Variants in PDE4D observed in about 807,000 individuals in gnomAD.
PDE4D encodes phosphodiesterase 4D.
PDE4D carries 24 observed loss-of-function variants against 87.4 expected under a neutral mutation model. The ratio of observed to expected loss-of-function variants is 0.27; its 90% confidence interval spans 0.20 to 0.39. The LOEUF (loss-of-function observed/expected upper bound fraction) is 0.39, where lower values mean the gene tolerates loss of function less well. Among genes scored for constraint, PDE4D ranks in the 10% least tolerant of loss-of-function variants. The pLI is 1.00. For missense variants in PDE4D, 714 were observed against 1,041.0 expected (o/e 0.69, Z 4.32); for synonymous variants, 384 against 383.2 (o/e 1.00, Z -0.02).
Position 58,974,923 on chromosome 5 carries a change from T to G in PDE4D, c.2171A>C (p.Glu724Ala). 1 of 1,613,268 alleles carries G rather than the reference T, an allele frequency of 6.2e-7. No individual in the cohort carries two copies. Among genetic ancestry groups the G allele is most frequent in the Non-Finnish European group, 8.5e-7 (1 of 1,179,408 alleles). ...QSPSPAPDDP[E>A]EGRQGQTEKF... is the part of the protein sequence containing the mutation. Reference sequence around the variant, plus strand: ...CTCAGTTTGACCCTGCCGGCCCTCCTCTGGGTCATCAGGTGCAGGAGAGGG... The same window carrying G: ...CTCAGTTTGACCCTGCCGGCCCTCCGCTGGGTCATCAGGTGCAGGAGAGGG... Residue 724 changes from glutamate to alanine, a missense_variant, in exon 15 of 15, where the codon GAG becomes GCG. By Grantham distance (107) the Glu-to-Ala change is moderately radical (BLOSUM62 -1). This residue lies in a region of PDE4D where 97 missense variants were observed against 176.9 expected (regional missense o/e 0.55). Coordinates refer to ENST00000340635, the MANE Select transcript of PDE4D (RefSeq NM_001104631.2).
At chr5:60,097,954 T>A (rs2149324890) in intron 2 of PDE4D, among the ~76,000 whole-genome samples, 1 of 152,102 alleles carries the variant, frequency 6.6e-6, no homozygotes, top group South Asian at 2.1e-4. Context: ...GGGTGTGAAG[T>A]GAGATTACTT....
At chr5:60,464,013 C>A (rs1450466736) in intron 1 of PDE4D, among the ~76,000 whole-genome samples, 2 of 152,140 alleles carry the variant, frequency 1.3e-5, no homozygotes, top group Non-Finnish European at 2.9e-5. Flanking sequence ...TAACCCATTT[C>A]TTTCCTTCTT....
At chr5:59,546,094 T>A (rs1817219902) in intron 1 of PDE4D, among the ~76,000 whole-genome samples, 1 of 152,156 alleles carries the variant, frequency 6.6e-6, no homozygotes, top group Non-Finnish European at 1.5e-5. Flanking sequence ...CAGCTTAAAA[T>A]GTAACCAATT....
At chr5:60,054,816 A>G (rs962695438) in intron 2 of PDE4D, among the ~76,000 whole-genome samples, 2 of 152,158 alleles carry the variant, frequency 1.3e-5, no homozygotes, top group Non-Finnish European at 2.9e-5. Flanking sequence ...CTACCTGCAG[A>G]AAACAAACTA....
chr5:60,087,886 C>T (rs891451530), intron 2 of PDE4D, among the ~76,000 whole-genome samples: 6 of 151,914 alleles, frequency 3.9e-5, no homozygotes, highest in Admixed American at 3.3e-4. Context: ...CAACACTATC[C>T]AAGTGCAGGA....
intron 1 of PDE4D, among the ~76,000 whole-genome samples, chr5:60,479,378 C>G (rs1157198966): frequency 6.6e-6 from 1 of 152,144 alleles, no homozygotes; most frequent in African/African-American, 2.4e-5. Context: ...ACAATCACAG[C>G]TTCACCACCT....
chr5:59,096,573 T>C (rs910738982), intron 5 of PDE4D, among the ~76,000 whole-genome samples: 1 of 152,202 alleles, frequency 6.6e-6, no homozygotes, highest in African/African-American at 2.4e-5. Context: ...AGAGATGCTC[T>C]CTTTTTTTGT....
chr5:59,360,306 T>C (rs1582152506), intron 1 of PDE4D, among the ~76,000 whole-genome samples: 1 of 151,956 alleles, frequency 6.6e-6, no homozygotes, highest in Non-Finnish European at 1.5e-5. Context: ...ATCAGTGGGG[T>C]TGCGTTAGGT....
At chr5:59,815,481 G>A (rs530096326) in intron 1 of PDE4D, among the ~76,000 whole-genome samples, 2 of 152,092 alleles carry the variant, frequency 1.3e-5, no homozygotes, top group African/African-American at 2.4e-5. Flanking sequence ...CTAGCTCTGA[G>A]ACCTCTGCAA....
chr5:59,105,352 T>C (rs1232908667), intron 5 of PDE4D, among the ~76,000 whole-genome samples: 1 of 152,196 alleles, frequency 6.6e-6, no homozygotes, highest in Non-Finnish European at 1.5e-5. Context: ...CATCTTAAAA[T>C]AATTTTCCAG....
Position 59,505,620 on chromosome 5 carries a change from A to G in PDE4D, c.456-289652T>C, listed in dbSNP as rs541386881. On this transcript the variant is annotated intron_variant, in intron 1 of 14. Coordinates refer to ENST00000340635, the MANE Select transcript of PDE4D (RefSeq NM_001104631.2). ...GTGCTAAGCATTTTACATTTTGCAT[A>G]TATCATTATTAGTGCCATTTTACTA... is the stretch of plus-strand genomic sequence containing the variant. Among the ~76,000 whole-genome samples the G allele has an allele frequency of 3.3e-5, 5 of 152,342 alleles. No homozygotes were observed. The South Asian group carries it at 8.3e-4, about 25-fold the overall frequency.
At chr5:59,365,147 A>G (rs908771417) in intron 1 of PDE4D, among the ~76,000 whole-genome samples, 9 of 152,200 alleles carry the variant, frequency 5.9e-5, no homozygotes, top group African/African-American at 2.2e-4. Flanking sequence ...GCTCTTATTT[A>G]AGAAAAAATG....
intron 1 of PDE4D, among the ~76,000 whole-genome samples, chr5:59,577,901 G>T (rs1823439285): frequency 1.3e-5 from 2 of 152,066 alleles, no homozygotes; most frequent in South Asian, 2.1e-4. Flanking sequence ...ACATAAAAGA[G>T]AATTTAAATG....
At chr5:60,403,659 G>C (rs1307616953) in intron 1 of PDE4D, among the ~76,000 whole-genome samples, 1 of 152,194 alleles carries the variant, frequency 6.6e-6, no homozygotes, top group Non-Finnish European at 1.5e-5. Flanking sequence ...AGAGCTAATA[G>C]AAGTTAAGTA....
intron 1 of PDE4D, among the ~76,000 whole-genome samples, chr5:60,245,600 A>G (rs1221485044): frequency 1.3e-5 from 2 of 152,012 alleles, no homozygotes; most frequent in Admixed American, 1.3e-4. Flanking sequence ...AACCATTAAA[A>G]AGAATGAGAT....
intron 1 of PDE4D, among the ~76,000 whole-genome samples, chr5:59,431,334 C>A (rs2153631846): frequency 6.6e-6 from 1 of 152,218 alleles, no homozygotes; most frequent in Non-Finnish European, 1.5e-5. Flanking sequence ...AGCCTTTATG[C>A]CATTTGCTAG....
chr5:59,215,762 T>G lies in PDE4D; in HGVS notation c.647+15A>C, dbSNP rs1374464469. Reference sequence around the variant, plus strand: ...TTACTCGGTTTTCTCTCTCTTTGCCTGCCCTTGTACTTACATATCACTGGC... The same window carrying G: ...TTACTCGGTTTTCTCTCTCTTTGCCGGCCCTTGTACTTACATATCACTGGC... On this transcript the variant is annotated intron_variant, in intron 2 of 14. Coordinates refer to ENST00000340635, the MANE Select transcript of PDE4D (RefSeq NM_001104631.2). 39 of 1,610,440 alleles carry G rather than the reference T, an allele frequency of 2.4e-5. No homozygotes were observed. Among genetic ancestry groups the G allele is most frequent in the Non-Finnish European group, 3.3e-5 (39 of 1,176,762 alleles).
chr5:60,324,052 C>T (rs999360160), intron 1 of PDE4D, among the ~76,000 whole-genome samples: 1 of 152,066 alleles, frequency 6.6e-6, no homozygotes, highest in Admixed American at 6.6e-5. Flanking sequence ...TAAGTAAATG[C>T]CTCACTAAAA....
chr5:59,080,061 C>T (rs550591300), intron 5 of PDE4D, among the ~76,000 whole-genome samples: 10 of 152,256 alleles, frequency 6.6e-5, no homozygotes, highest in Admixed American at 3.3e-4. Flanking sequence ...TACACACACA[C>T]GTTTCCCATG....
Sources: gnomAD v4.1 joint callset for allele counts (sites outside exome capture counted in the v4.1 genomes callset) on GRCh38, gnomAD v4.1.1 for gene constraint, gnomAD v4.1.1 regional missense constraint, MANE v1.5 for transcripts, NCBI Gene and HGNC (gene_info 2026-07-23, HGNC 2026-07-21) for gene names.